The following AGBL4 variants were observed in gnomAD, a reference collection of about 807,000 sequenced individuals.
AGBL4 encodes cytosolic carboxypeptidase 6.
A neutral mutation model predicts 66.4 loss-of-function variants in AGBL4; 58 were observed. The ratio of observed to expected loss-of-function variants is 0.87; its 90% CI spans 0.71 to 1.09. AGBL4 has a LOEUF of 1.09. Among genes scored for constraint, AGBL4 ranks in the 50% least tolerant of loss-of-function variants. The probability of loss-of-function intolerance (pLI) is 0.00; values close to 1 mark genes in which losing one functional copy is unlikely to be tolerated. For synonymous variants in AGBL4, 234 were observed against 222.9 expected (o/e 1.05, Z -0.44); for missense variants, 579 against 631.0 (o/e 0.92, Z 0.88).
In AGBL4 at chr1:49,552,470, G is replaced by C. The variant is rs529662889; in HGVS notation, c.282+144843C>G. ...TGCTTGGGGACCCAGCGAGCTCCCA[G>C]GGCCTTTCTGCTCCTCCTCTATACC... is the stretch of plus-strand genomic sequence containing the variant. On this transcript the variant is annotated intron_variant, in intron 3 of 13. Transcript: ENST00000371839. Among the ~76,000 whole-genome samples the C allele has an allele frequency of 2.6e-5, 4 of 152,306 alleles. No individual in the cohort carries two copies. The South Asian group carries it at 8.3e-4, about 32-fold the overall frequency.
intron 3 of AGBL4, among the ~76,000 whole-genome samples, chr1:49,482,946 A>T (rs767517481): frequency 6.6e-6 from 1 of 152,064 alleles, no homozygotes; most frequent in African/African-American, 2.4e-5. Flanking sequence ...TGAATTTCTT[A>T]GTCTTGACTT....
chr1:49,317,062 A>C (rs890264487), intron 3 of AGBL4, among the ~76,000 whole-genome samples: 4 of 151,952 alleles, frequency 2.6e-5, no homozygotes, highest in Non-Finnish European at 4.4e-5. Flanking sequence ...TATCTCTATC[A>C]TCCATCTATC....
At chr1:49,910,918 G>A (rs1650758678) in intron 1 of AGBL4, among the ~76,000 whole-genome samples, 1 of 152,230 alleles carries the variant, frequency 6.6e-6, no homozygotes, top group South Asian at 2.1e-4. Flanking sequence ...GGAGGTTGCA[G>A]TGAGCTGCGA....
At chr1:49,562,907 C>T (rs1007059850) in intron 3 of AGBL4, among the ~76,000 whole-genome samples, 5 of 152,070 alleles carry the variant, frequency 3.3e-5, no homozygotes, top group African/African-American at 1.2e-4. Flanking sequence ...GGCAGTATGG[C>T]CATTTTCATG....
intron 6 of AGBL4, among the ~76,000 whole-genome samples, chr1:48,857,829 C>T (rs1558044308): frequency 6.6e-6 from 1 of 152,062 alleles, no homozygotes; most frequent in East Asian, 1.9e-4. Flanking sequence ...AATGGATAAA[C>T]TTCATCAGAA....
intron 6 of AGBL4, among the ~76,000 whole-genome samples, chr1:48,809,316 T>C (rs867112464): frequency 6.6e-6 from 1 of 152,210 alleles, no homozygotes; most frequent in Middle Eastern, 3.4e-3. Context: ...GAAAAAGGTG[T>C]GACTTTGGTT....
At chr1:48,978,382 T>C (rs1007369580) in intron 5 of AGBL4, among the ~76,000 whole-genome samples, 1 of 152,164 alleles carries the variant, frequency 6.6e-6, no homozygotes, top group Non-Finnish European at 1.5e-5. Context: ...AAAGAGATTG[T>C]TTTTCTGCTT....
chr1:48,672,404 A>G (rs2148468366), intron 6 of AGBL4, among the ~76,000 whole-genome samples: 1 of 152,312 alleles, frequency 6.6e-6, no homozygotes, highest in South Asian at 2.1e-4. Context: ...AGCCAAGATA[A>G]AAGTCAGTAA....
chr1:49,486,448 T>A (rs909134733), intron 3 of AGBL4, among the ~76,000 whole-genome samples: 1 of 151,904 alleles, frequency 6.6e-6, no homozygotes, highest in Non-Finnish European at 1.5e-5. Context: ...AGAAAGCCCA[T>A]CTCAGTTAAT....
intron 6 of AGBL4, among the ~76,000 whole-genome samples, chr1:48,699,053 T>C (rs1191940138): frequency 6.6e-6 from 1 of 152,218 alleles, no homozygotes; most frequent in Non-Finnish European, 1.5e-5. Flanking sequence ...AAGATTTTCC[T>C]GGTCTCTCAT....
In AGBL4 at chr1:49,177,017, A is replaced by C. The variant is rs375361327; in HGVS notation, c.377+68753T>G. ...AGAGTAACCGGTGACAACTCAACAA[A>C]GCTCTGTCTTGGTTTTCAAGGGTCA... On this transcript the variant is annotated intron_variant, in intron 4 of 13. Coordinates refer to ENST00000371839, the MANE Select transcript of AGBL4 (RefSeq NM_032785.4). Among the ~76,000 whole-genome samples, 16 of 152,212 alleles carry C rather than the reference A, an allele frequency of 1.1e-4. No individual in the cohort carries two copies. The East Asian group carries it at 2.7e-3, about 26-fold the overall frequency.
At chr1:48,862,336 A>G (rs774967305) in intron 6 of AGBL4, among the ~76,000 whole-genome samples, 20 of 152,182 alleles carry the variant, frequency 1.3e-4, no homozygotes, top group Middle Eastern at 3.4e-3. Context: ...CACTTTAAAA[A>G]ATTTTTTATA....
intron 5 of AGBL4, among the ~76,000 whole-genome samples, chr1:49,032,643 G>T (rs1664323299): frequency 6.6e-6 from 1 of 152,130 alleles, no homozygotes; most frequent in East Asian, 1.9e-4. Flanking sequence ...ATATCTGTGT[G>T]AGCAGGATAG....
intron 1 of AGBL4, among the ~76,000 whole-genome samples, chr1:49,937,534 T>C (rs1048610935): frequency 3.6e-4 from 54 of 152,012 alleles, no homozygotes; most frequent in African/African-American, 1.3e-3. Context: ...CAACAGAATA[T>C]ACATTTTTTT....
intron 2 of AGBL4, among the ~76,000 whole-genome samples, chr1:49,700,298 A>AATAG (rs59788309): frequency 0.047 from 6,954 of 146,430 alleles, 185 homozygotes; most frequent in East Asian, 0.096. Context: ...AAAAACATTA[A>AATAG]ATAGATAGAT....
At chr1:49,371,321 A>T (rs1644341356) in intron 3 of AGBL4, among the ~76,000 whole-genome samples, 1 of 152,102 alleles carries the variant, frequency 6.6e-6, no homozygotes, top group South Asian at 2.1e-4. Context: ...GTTTCTCTGG[A>T]GAATCCTGGC....
intron 3 of AGBL4, among the ~76,000 whole-genome samples, chr1:49,440,789 T>C (rs1646011339): frequency 6.6e-6 from 1 of 152,156 alleles, no homozygotes; most frequent in Non-Finnish European, 1.5e-5. Context: ...GTATCTACTG[T>C]TAAAGTGAAG....
At chr1:50,018,974 A>G (rs1662205724) in intron 1 of AGBL4, among the ~76,000 whole-genome samples, 1 of 152,062 alleles carries the variant, frequency 6.6e-6, no homozygotes, top group Non-Finnish European at 1.5e-5. Flanking sequence ...TTAGCACCAA[A>G]ATTAATTTGA....
rs200435578 is a variant in AGBL4, at chr1:49,325,701, C to A, written c.283-79837G>T. Among the ~76,000 whole-genome samples the A allele has an allele frequency of 2.0e-5, 3 of 152,122 alleles. No homozygotes were observed. In the East Asian group the frequency reaches 5.8e-4, roughly 29 times the overall value. On this transcript the variant is annotated intron_variant, in intron 3 of 13. Coordinates refer to ENST00000371839, the MANE Select transcript of AGBL4 (RefSeq NM_032785.4). Reference sequence around the variant, plus strand: ...ATATAGTTTGGATCTGTGTCTCCACCAAATCTCATATTCAATTGTAATCCC... The same window carrying A: ...ATATAGTTTGGATCTGTGTCTCCACAAAATCTCATATTCAATTGTAATCCC...
Sources: allele counts gnomAD v4.1 joint callset (sites outside exome capture counted in the v4.1 genomes callset), GRCh38; gene constraint gnomAD v4.1.1; transcripts MANE v1.5; gene names NCBI Gene and HGNC (gene_info 2026-07-23, HGNC 2026-07-21).